EXOC4: variants seen among roughly 807,000 people sequenced by gnomAD.
EXOC4 encodes exocyst complex component 4, also known as SEC8-like 1.
A neutral mutation model predicts 107.2 loss-of-function variants in EXOC4; 71 were observed. That is an observed-to-expected ratio of 0.66 (90% CI 0.55 to 0.81). EXOC4 has a LOEUF of 0.81. Ranked by LOEUF, EXOC4 falls within the 30% of genes least tolerant of loss-of-function variation. The probability of loss-of-function intolerance (pLI) is 0.00; values close to 1 mark genes in which losing one functional copy is unlikely to be tolerated. For missense variants in EXOC4, 1,108 were observed against 1,189.6 expected (o/e 0.93, Z 1.01); for synonymous variants, 456 against 441.2 (o/e 1.03, Z -0.42).
intron 10 of EXOC4, among the ~76,000 whole-genome samples, chr7:133,745,208 A>G (rs1795648553): frequency 6.6e-6 from 1 of 152,020 alleles, no homozygotes; most frequent in South Asian, 2.1e-4. Context: ...CACCCTATAG[A>G]AAGTTTGTGT....
chr7:133,677,989 T>A (rs1157638014), intron 10 of EXOC4, among the ~76,000 whole-genome samples: 1 of 152,246 alleles, frequency 6.6e-6, no homozygotes, highest in African/African-American at 2.4e-5. Context: ...TTGCAATTTT[T>A]AATGTCTTCA....
intron 9 of EXOC4, among the ~76,000 whole-genome samples, chr7:133,483,045 C>G (rs150462123): frequency 6.6e-6 from 1 of 152,194 alleles, no homozygotes; most frequent in Non-Finnish European, 1.5e-5. Context: ...GAGTACTTTC[C>G]ATACTGCATT....
chr7:133,858,240 A>T (rs1798460529), intron 11 of EXOC4, among the ~76,000 whole-genome samples: 1 of 152,162 alleles, frequency 6.6e-6, no homozygotes, highest in Non-Finnish European at 1.5e-5. Flanking sequence ...AAGGCAGGGA[A>T]GAGTTTTATT....
chr7:133,370,267 G>C (rs931412297), intron 6 of EXOC4, among the ~76,000 whole-genome samples: 2 of 151,836 alleles, frequency 1.3e-5, no homozygotes, highest in Non-Finnish European at 2.9e-5. Flanking sequence ...ATGTGCCCAA[G>C]GTGGTCAGGG....
intron 17 of EXOC4, among the ~76,000 whole-genome samples, chr7:134,020,431 C>G (rs1313386394): frequency 6.6e-6 from 1 of 152,158 alleles, no homozygotes; most frequent in Non-Finnish European, 1.5e-5. Context: ...CCCCTTTACT[C>G]TTATCTCCTA....
intron 10 of EXOC4, among the ~76,000 whole-genome samples, chr7:133,710,629 C>T (rs1794868725): frequency 7.1e-6 from 1 of 141,676 alleles, no homozygotes; most frequent in Non-Finnish European, 1.5e-5. Context: ...CACTGCACTC[C>T]AGCCTGGGCG....
chr7:133,862,489 C>T lies in EXOC4; in HGVS notation c.1735-33110C>T, dbSNP rs563605414. On this transcript the variant is annotated intron_variant, in intron 11 of 17. Transcript: ENST00000253861. ...CAGAGCAAGACTTCGTCTCAGGGGGCGGGGAAAAAAAAAGAGCCTCATTCC... is the reference window on the plus strand; with the variant it reads ...CAGAGCAAGACTTCGTCTCAGGGGGTGGGGAAAAAAAAAGAGCCTCATTCC... 9.3e-5 allele frequency among the ~76,000 whole-genome samples: 14 copies of T among 150,414 alleles called. No homozygotes were observed. In the South Asian group the frequency reaches 1.3e-3, roughly 14 times the overall value.
chr7:133,472,571 A>G (rs915583668), intron 7 of EXOC4, among the ~76,000 whole-genome samples: 2 of 152,218 alleles, frequency 1.3e-5, no homozygotes. Context: ...GTGAATATAT[A>G]TCAAGCATGC....
chr7:133,905,987 G>A (rs1040540739), intron 12 of EXOC4, among the ~76,000 whole-genome samples: 2 of 152,174 alleles, frequency 1.3e-5, no homozygotes, highest in Non-Finnish European at 2.9e-5. Flanking sequence ...ACCATGGTGC[G>A]TGGGAGAAAG....
intron 14 of EXOC4, among the ~76,000 whole-genome samples, chr7:133,967,937 T>G (rs1321783043): frequency 6.6e-6 from 1 of 152,160 alleles, no homozygotes; most frequent in Non-Finnish European, 1.5e-5. Flanking sequence ...GGTGTTAAAG[T>G]CTCCCACTAT....
At chr7:133,562,412 C>T (rs1323341979) in intron 9 of EXOC4, among the ~76,000 whole-genome samples, 2 of 152,172 alleles carry the variant, frequency 1.3e-5, no homozygotes, top group African/African-American at 2.4e-5. Context: ...GCTTGCCTGA[C>T]CTTGCCGCCT....
Position 133,305,979 on chromosome 7 carries a change from C to A in EXOC4, c.574C>A (p.Leu192Ile). 6.2e-7 allele frequency: 1 copy of A among 1,613,852 alleles called. No homozygotes were observed. The highest frequency in any genetic ancestry group is 8.5e-7 in the Non-Finnish European group (1 of 1,179,870). ...HSKKMNLHLV[L>I]IDELHRHLYI... ...CAAGAAGATGAACCTTCACTTGGTT[C>A]TCATAGATGAACTACACCGGCACCT... Residue 192 changes from leucine to isoleucine, a missense_variant, in exon 4 of 18, where the codon CTC becomes ATC. Transcript: ENST00000253861.
chr7:133,810,307 G>C (rs369675795), intron 10 of EXOC4, among the ~76,000 whole-genome samples: 1 of 152,124 alleles, frequency 6.6e-6, no homozygotes, highest in Non-Finnish European at 1.5e-5. Context: ...TTGTGATAAG[G>C]CTGGGCTAAG....
chr7:133,454,589 G>A (rs1798421916), intron 7 of EXOC4, among the ~76,000 whole-genome samples: 5 of 152,288 alleles, frequency 3.3e-5, no homozygotes, highest in Admixed American at 2.0e-4. Context: ...GAGCCACCAC[G>A]CCTGACCACT....
At chr7:133,567,889 G>T (rs1259309513) in intron 9 of EXOC4, among the ~76,000 whole-genome samples, 2 of 152,138 alleles carry the variant, frequency 1.3e-5, no homozygotes, top group Admixed American at 6.5e-5. Flanking sequence ...CCTCTTGAAG[G>T]TTCTACCTGT....
the EXOC4 span, among the ~76,000 whole-genome samples, chr7:134,090,009 A>T: frequency 6.6e-6 from 1 of 152,204 alleles, no homozygotes; most frequent in Admixed American, 6.5e-5. Context: ...AGATATTTTG[A>T]TTTTACCGAT....
intron 10 of EXOC4, chr7:133,768,098 A>G (rs1012665685): frequency 6.6e-6 from 1 of 151,960 alleles, no homozygotes; most frequent in Non-Finnish European, 1.5e-5. Flanking sequence ...CCTCGTGTAA[A>G]CAAAAACCTC....
At chr7:134,060,097 T>C (rs181326966) in intron 17 of EXOC4, among the ~76,000 whole-genome samples, 441 of 152,284 alleles carry the variant, frequency 2.9e-3, no homozygotes, top group African/African-American at 0.01. Context: ...ATGATCTGTT[T>C]GCACCAGAAC....
intron 6 of EXOC4, among the ~76,000 whole-genome samples, chr7:133,373,271 G>C (rs1796415989): frequency 6.6e-6 from 1 of 152,196 alleles, no homozygotes; most frequent in African/African-American, 2.4e-5. Flanking sequence ...ACACAGATGA[G>C]AAAGAAGAAT....
Sources: gnomAD v4.1 joint callset for allele counts (sites outside exome capture counted in the v4.1 genomes callset) on GRCh38, gnomAD v4.1.1 for gene constraint, MANE v1.5 for transcripts, NCBI Gene and HGNC (gene_info 2026-07-23, HGNC 2026-07-21) for gene names.